The following PPP1R12B variants were observed in gnomAD, a reference collection of about 807,000 sequenced individuals.
PPP1R12B encodes myosin phosphatase target subunit 2.
Under a neutral mutation model 126.1 loss-of-function variants are expected in PPP1R12B, and 76 were observed. The ratio of observed to expected loss-of-function variants is 0.60; its 90% CI spans 0.50 to 0.73. PPP1R12B has a LOEUF of 0.73. Ranked by LOEUF, PPP1R12B falls within the 30% of genes least tolerant of loss-of-function variation. The probability of loss-of-function intolerance (pLI) is 0.00; values close to 1 mark genes in which losing one functional copy is unlikely to be tolerated. For synonymous variants in PPP1R12B, 356 were observed against 434.7 expected (o/e 0.82, Z 2.25); for missense variants, 1,052 against 1,205.1 (o/e 0.87, Z 1.88).
At chr1:202,381,438 A>ATGTC (rs1289224444) in intron 1 of PPP1R12B, among the ~76,000 whole-genome samples, 1 of 3,314 alleles carries the variant, frequency 3.0e-4, no homozygotes, top group Non-Finnish European at 8.7e-4. Context: ...GTGTGTGTGT[A>ATGTC]TCATCCCTCA....
intron 13 of PPP1R12B, among the ~76,000 whole-genome samples, chr1:202,469,182 A>C (rs1222428064): frequency 6.6e-6 from 1 of 152,254 alleles, no homozygotes; most frequent in Non-Finnish European, 1.5e-5. Flanking sequence ...TGATGTAATG[A>C]TAAAGTGTAG....
intron 5 of PPP1R12B, among the ~76,000 whole-genome samples, chr1:202,428,308 T>C (rs1669811164): frequency 6.6e-6 from 1 of 152,214 alleles, no homozygotes; most frequent in Non-Finnish European, 1.5e-5. Flanking sequence ...AGATATGGCC[T>C]TTTAATTAGT....
chr1:202,499,020 A>G (rs1424079237), intron 18 of PPP1R12B, among the ~76,000 whole-genome samples: 1 of 152,122 alleles, frequency 6.6e-6, no homozygotes, highest in African/African-American at 2.4e-5. Flanking sequence ...TAACTGAAAT[A>G]TAATTTACAA....
chr1:202,537,044 A>G (rs950419567), intron 18 of PPP1R12B, among the ~76,000 whole-genome samples: 2 of 152,242 alleles, frequency 1.3e-5, no homozygotes, highest in Non-Finnish European at 2.9e-5. Context: ...GATTTAAAAT[A>G]TAGTATGGTA....
intron 17 of PPP1R12B, among the ~76,000 whole-genome samples, 182 bp from the exon 18 acceptor site, chr1:202,496,598 AT>A (rs1558301821): frequency 6.6e-6 from 1 of 152,190 alleles, no homozygotes. Context: ...TACAGGTGAC[AT>A]TTCTAAGTTG....
Position 202,584,902 on chromosome 1 carries a change from C to T in PPP1R12B, c.*4342C>T, listed in dbSNP as rs889779495. On this transcript the variant is annotated 3_prime_UTR_variant, in exon 24 of 24. Transcript: ENST00000608999. ...GGTATCCTTCCCTCAGAGATATCAT[C>T]AGGGGCCCTCAAACCCCATTGTTTA... 6.6e-6 allele frequency: 1 copy of T among 152,260 alleles called. No homozygotes were observed. The highest frequency in any genetic ancestry group is 2.4e-5 in the African/African-American group (1 of 41,462). The allele number at this position is 152,260 out of a possible 1,614,324, so 9.4% of individuals were successfully genotyped here.
At chr1:202,442,122 T>C (rs1671704155) in intron 11 of PPP1R12B, among the ~76,000 whole-genome samples, 1 of 152,200 alleles carries the variant, frequency 6.6e-6, no homozygotes, top group Non-Finnish European at 1.5e-5. Context: ...GTGCTGGAAT[T>C]ATAGATGTGA....
At chr1:202,525,028 G>A (rs1250843201) in intron 18 of PPP1R12B, among the ~76,000 whole-genome samples, 4 of 152,040 alleles carry the variant, frequency 2.6e-5, no homozygotes, top group African/African-American at 9.7e-5. Context: ...ACAGGTGTCC[G>A]CCACCACACC....
chr1:202,470,917 A>C (rs578193129), intron 13 of PPP1R12B, among the ~76,000 whole-genome samples: 4 of 117,202 alleles, frequency 3.4e-5, no homozygotes, highest in African/African-American at 1.1e-4. Context: ...AAAAAAAAAA[A>C]AAAATGAACA....
At chr1:202,393,952 A>G (rs1664521388) in intron 1 of PPP1R12B, among the ~76,000 whole-genome samples, 1 of 152,244 alleles carries the variant, frequency 6.6e-6, no homozygotes, top group Non-Finnish European at 1.5e-5. Flanking sequence ...AACCTGTACT[A>G]ACACTATGCA....
rs1179688381 is a variant in PPP1R12B at position 202,590,387 on chromosome 1, G to A, written c.*9827G>A. On this transcript the variant is annotated 3_prime_UTR_variant, in exon 24 of 24. Transcript: ENST00000608999. ...TGTGTGGGCCCCAGCACCCACCAGA[G>A]TGCCAATCTGGTCTTCCCCCAACCC... 2.6e-5 allele frequency: 4 copies of A among 151,554 alleles called. No individual in the cohort carries two copies. The highest frequency in any genetic ancestry group is 9.7e-5 in the African/African-American group (4 of 41,162). 9.4% of individuals were successfully genotyped at this position (151,554 alleles called of 1,614,324 possible).
Position 202,562,934 on chromosome 1 carries a change from A to G in PPP1R12B, c.2652+12A>G, listed in dbSNP as rs1008889295. The G allele has an allele frequency of 1.9e-6, 3 of 1,548,194 alleles. No homozygotes were observed. The highest frequency in any genetic ancestry group is 2.6e-6 in the Non-Finnish European group (3 of 1,151,282). ...GAGATTATAAAAAAGTAGGGTCTTT[A>G]TTCAATTTTCCGGTTCTTTGGTGAC... On this transcript the variant is annotated intron_variant, in intron 20 of 23. Transcript: ENST00000608999.
chr1:202,510,114 A>C (rs1339231720), intron 18 of PPP1R12B, among the ~76,000 whole-genome samples: 1 of 152,236 alleles, frequency 6.6e-6, no homozygotes, highest in Non-Finnish European at 1.5e-5. Context: ...CTCTTAGATC[A>C]CTGGTGACCT....
At chr1:202,443,034 G>A (rs1203128848) in intron 12 of PPP1R12B, 10 of 912,368 alleles carry the variant, frequency 1.1e-5, no homozygotes, top group Non-Finnish European at 1.3e-5. Context: ...ACTGAAGCCT[G>A]TTAATTTAGG....
chr1:202,525,942 G>A (rs1462032711), intron 18 of PPP1R12B, among the ~76,000 whole-genome samples: 2 of 152,212 alleles, frequency 1.3e-5, no homozygotes, highest in African/African-American at 2.4e-5. Context: ...CAGGTGATCC[G>A]CCTTGGCCTC....
intron 13 of PPP1R12B, among the ~76,000 whole-genome samples, chr1:202,459,531 T>G (rs1674049640): frequency 6.6e-6 from 1 of 152,184 alleles, no homozygotes; most frequent in South Asian, 2.1e-4. Context: ...TGAAGTTCCT[T>G]TTTTTCCCCC....
chr1:202,445,072 C>A, intron 12 of PPP1R12B: 1 of 1,247,266 alleles, frequency 8.0e-7, no homozygotes, highest in Non-Finnish European at 1.0e-6. Context: ...AGTAGTGACC[C>A]CACAAGTCCC....
intron 18 of PPP1R12B, among the ~76,000 whole-genome samples, chr1:202,532,994 C>T (rs1335148228): frequency 6.6e-6 from 1 of 151,358 alleles, no homozygotes. Flanking sequence ...CTCAGCCTCC[C>T]GAGTAGCTGG....
Position 202,451,852 on chromosome 1 carries a change from C to G in PPP1R12B, c.1850+2681C>G, listed in dbSNP as rs374746744. Among the ~76,000 whole-genome samples, 92 of 151,794 alleles carry G rather than the reference C, an allele frequency of 6.1e-4. No individual in the cohort carries two copies. The South Asian group carries it at 0.011, about 18-fold the overall frequency. ...GCAGCTGGCCTGGTGGGGGCTGACC[C>G]CCACCTCCCTTCCGGACGGGGTGGC... is the stretch of plus-strand genomic sequence containing the variant. On this transcript the variant is annotated intron_variant, in intron 13 of 23. Coordinates refer to ENST00000608999, the MANE Select transcript of PPP1R12B (RefSeq NM_002481.4).
Sources: gnomAD v4.1 joint callset for allele counts (sites outside exome capture counted in the v4.1 genomes callset) on GRCh38, gnomAD v4.1.1 for gene constraint, MANE v1.5 for transcripts, NCBI Gene and HGNC (gene_info 2026-07-23, HGNC 2026-07-21) for gene names.